ATP8A2: variants seen among roughly 807,000 people sequenced by gnomAD.
ATP8A2 encodes the protein ATPase phospholipid transporting 8A2.
Under a neutral mutation model 165.6 loss-of-function variants are expected in ATP8A2, and 100 were observed. The observed-to-expected ratio is 0.60, with a 90% CI of 0.51 to 0.71. ATP8A2 has a LOEUF of 0.71. ATP8A2 is among the 30% of genes least tolerant of loss of function. The pLI, the probability that ATP8A2 is intolerant of heterozygous loss-of-function variation, is 0.00. For missense variants in ATP8A2, 1,227 were observed against 1,479.5 expected (o/e 0.83, Z 2.80); for synonymous variants, 543 against 548.8 (o/e 0.99, Z 0.15).
chr13:25,787,522 T>C (rs1206091634), intron 27 of ATP8A2, among the ~76,000 whole-genome samples: 1 of 152,230 alleles, frequency 6.6e-6, no homozygotes, highest in Non-Finnish European at 1.5e-5. Flanking sequence ...TACACACTCA[T>C]TTTAGGTTTT....
chr13:25,943,622 T>C (rs1955132446), intron 33 of ATP8A2, among the ~76,000 whole-genome samples: 1 of 152,232 alleles, frequency 6.6e-6, no homozygotes, highest in Non-Finnish European at 1.5e-5. Context: ...TCCCAAAATG[T>C]GTCTCTATTG....
At chr13:25,760,820 T>G (rs2044365349) in intron 25 of ATP8A2, among the ~76,000 whole-genome samples, 1 of 152,226 alleles carries the variant, frequency 6.6e-6, no homozygotes, top group Admixed American at 6.5e-5. Flanking sequence ...TTTTGAAAGT[T>G]GAGTTATAAA....
chr13:25,565,996 C>A (rs1030280111), intron 16 of ATP8A2, among the ~76,000 whole-genome samples: 3 of 151,742 alleles, frequency 2.0e-5, no homozygotes, highest in African/African-American at 7.3e-5. Flanking sequence ...ATTAGGTAAA[C>A]ATGAGCAAAA....
chr13:25,855,675 G>A (rs9578930), intron 30 of ATP8A2, among the ~76,000 whole-genome samples: 29,193 of 152,136 alleles, frequency 0.19, 3,030 homozygotes, highest in African/African-American at 0.24. Context: ...TCTCTTGGAT[G>A]TGTACCTAGG....
intron 33 of ATP8A2, among the ~76,000 whole-genome samples, chr13:25,940,686 G>C (rs1955045924): frequency 6.6e-6 from 1 of 152,202 alleles, no homozygotes; most frequent in Non-Finnish European, 1.5e-5. Context: ...CCCACCGTGT[G>C]CTCCTTTCCT....
chr13:25,759,699 T>C (rs1157099564), intron 25 of ATP8A2, among the ~76,000 whole-genome samples: 1 of 152,208 alleles, frequency 6.6e-6, no homozygotes, highest in Non-Finnish European at 1.5e-5. Flanking sequence ...TAATATCTTT[T>C]ATTTAAATCC....
intron 24 of ATP8A2, among the ~76,000 whole-genome samples, chr13:25,674,995 T>C (rs1212086531): frequency 6.6e-6 from 1 of 152,232 alleles, no homozygotes. Flanking sequence ...CCTTTACTTC[T>C]TTCTGTTGTC....
intron 33 of ATP8A2, 59 bp from the exon 34 acceptor site, chr13:25,961,516 T>C: frequency 3.8e-6 from 5 of 1,308,044 alleles, no homozygotes; most frequent in Non-Finnish European, 5.5e-6. Flanking sequence ...GATTACATTA[T>C]GTTGCTCTGT....
At chr13:25,678,442 A>AGACCCGAGTTGATTGAATCC (rs1410549216) in intron 24 of ATP8A2, among the ~76,000 whole-genome samples, 4,284 of 152,148 alleles carry the variant, frequency 0.028, 114 homozygotes, top group East Asian at 0.13. Flanking sequence ...TGATTGAATT[A>AGACCCGAGTTGATTGAATCC]CCTAGACCCC....
At chr13:25,841,991 A>G (rs1185637384) in intron 30 of ATP8A2, among the ~76,000 whole-genome samples, 1 of 152,046 alleles carries the variant, frequency 6.6e-6, no homozygotes, top group Non-Finnish European at 1.5e-5. Flanking sequence ...CATGACCCAA[A>G]CACCTCCTAT....
At chr13:25,923,039 A>G (rs1954505988) in intron 33 of ATP8A2, among the ~76,000 whole-genome samples, 1 of 152,200 alleles carries the variant, frequency 6.6e-6, no homozygotes, top group African/African-American at 2.4e-5. Flanking sequence ...GTGGGGTTAA[A>G]TAGAACCAGA....
At chr13:25,707,225 A>G (rs1026313296) in intron 25 of ATP8A2, among the ~76,000 whole-genome samples, 3 of 151,944 alleles carry the variant, frequency 2.0e-5, no homozygotes, top group Non-Finnish European at 4.4e-5. Flanking sequence ...ACAGCTTAGG[A>G]AAAAAAACAA....
chr13:25,647,821 G>A (rs2041713457), intron 24 of ATP8A2, among the ~76,000 whole-genome samples: 1 of 151,970 alleles, frequency 6.6e-6, no homozygotes, highest in African/African-American at 2.4e-5. Flanking sequence ...AAGTAGCTGG[G>A]ATTACAGGTG....
intron 18 of ATP8A2, among the ~76,000 whole-genome samples, chr13:25,573,565 G>T (rs982728245): frequency 6.6e-6 from 1 of 152,154 alleles, no homozygotes; most frequent in African/African-American, 2.4e-5. Flanking sequence ...TACCAAGTCA[G>T]GAACAAATTC....
intron 1 of ATP8A2, among the ~76,000 whole-genome samples, chr13:25,427,978 C>T (rs1192229047): frequency 1.3e-5 from 2 of 151,974 alleles, no homozygotes; most frequent in Non-Finnish European, 2.9e-5. Context: ...GAGCAGATCA[C>T]TTCAGCCTAG....
chr13:25,587,441 A>G (rs780228681), intron 23 of ATP8A2, among the ~76,000 whole-genome samples: 2 of 152,106 alleles, frequency 1.3e-5, no homozygotes, highest in African/African-American at 2.4e-5. Flanking sequence ...CATGGCTAGA[A>G]AAAAAAAGAC....
At chr13:25,950,922 G>A (rs1284517708) in intron 33 of ATP8A2, 1 of 152,230 alleles carries the variant, frequency 6.6e-6, no homozygotes, top group African/African-American at 2.4e-5. Context: ...GTTTGCCAGA[G>A]TTGTCCCACC....
intron 33 of ATP8A2, among the ~76,000 whole-genome samples, chr13:25,925,860 T>C (rs922789914): frequency 1.3e-5 from 2 of 151,772 alleles, no homozygotes; most frequent in Non-Finnish European, 2.9e-5. Context: ...CCCAAGTAGC[T>C]GGGACTACAG....
At chr13:25,741,717 T>TATTG (rs1185590847) in intron 25 of ATP8A2, among the ~76,000 whole-genome samples, 3 of 152,174 alleles carry the variant, frequency 2.0e-5, no homozygotes, top group Non-Finnish European at 4.4e-5. Flanking sequence ...AAAGTTGAAT[T>TATTG]ATTGATCTTC....
Sources: gnomAD v4.1 joint callset for allele counts (sites outside exome capture counted in the v4.1 genomes callset) on GRCh38, gnomAD v4.1.1 for gene constraint, MANE v1.5 for transcripts, NCBI Gene and HGNC (gene_info 2026-07-23, HGNC 2026-07-21) for gene names.